The following LEPR variants were observed in gnomAD, a reference collection of about 807,000 sequenced individuals.
The protein encoded by LEPR is OB receptor.
A neutral mutation model predicts 114.7 loss-of-function variants in LEPR; 56 were observed. The observed-to-expected ratio is 0.49, with a 90% CI of 0.39 to 0.61. LEPR has a LOEUF of 0.61. Ranked by LOEUF, LEPR falls within the 20% of genes least tolerant of loss-of-function variation. The probability of loss-of-function intolerance (pLI) is 0.00; values close to 1 mark genes in which losing one functional copy is unlikely to be tolerated. For missense variants in LEPR, 1,202 were observed against 1,352.9 expected (o/e 0.89, Z 1.75); for synonymous variants, 443 against 461.4 (o/e 0.96, Z 0.51).
In LEPR at chr1:65,601,632, G is replaced by A; in HGVS notation, c.1235G>A (p.Cys412Tyr). ...RGKFTYDAVYCCNEHECHHRY... is the reference protein window; with the variant it reads ...RGKFTYDAVYYCNEHECHHRY... ...AAGTTTACCTATGATGCAGTGTACT[G>A]CTGCAATGAACATGAATGCCATCAT... Residue 412 changes from cysteine (C) to tyrosine (Y), a missense_variant, in exon 9 of 20, where the codon TGC (cysteine) becomes TAC (tyrosine). By Grantham distance (194) the Cys-to-Tyr change is radical (BLOSUM62 -2). Transcript: ENST00000349533. 6.2e-7 allele frequency: 1 copy of A among 1,613,632 alleles called. No homozygotes were observed. The highest frequency in any genetic ancestry group is 1.3e-5 in the African/African-American group (1 of 75,016).
intron 2 of LEPR, among the ~76,000 whole-genome samples, chr1:65,475,319 A>G (rs1557612966): frequency 6.6e-6 from 1 of 152,090 alleles, no homozygotes; most frequent in Non-Finnish European, 1.5e-5. Flanking sequence ...ACCCTTCCCA[A>G]TTTGTATTCT....
rs566215593 is a variant in LEPR at position 65,615,994 on chromosome 1, T to G, written c.1996-14T>G. 3.9e-5 allele frequency: 63 copies of G among 1,613,924 alleles called. No homozygotes were observed. Among genetic ancestry groups the G allele is most frequent in the Non-Finnish European group, 5.3e-5 (63 of 1,179,970 alleles). ...TGCAGCCCTTAAACTAATCAATTTC[T>G]ATATTTACTACAGCCCCTGATGAAA... On this transcript the variant is annotated splice_polypyrimidine_tract_variant and intron_variant, in intron 14 of 19. Transcript: ENST00000349533.
intron 2 of LEPR, among the ~76,000 whole-genome samples, chr1:65,464,199 A>G (rs2100386749): frequency 6.6e-6 from 1 of 152,324 alleles, no homozygotes; most frequent in East Asian, 1.9e-4. Context: ...GATACGTTCC[A>G]TCAATACCTA....
chr1:65,431,741 G>A, intron 2 of LEPR: 2 of 1,514,334 alleles, frequency 1.3e-6, no homozygotes, highest in South Asian at 1.2e-5. Context: ...AAAATAATAG[G>A]GATTGCAAAG....
At chr1:65,435,953 A>C in intron 2 of LEPR, 1 of 985,040 alleles carries the variant, frequency 1.0e-6, no homozygotes, top group African/African-American at 1.7e-5. Context: ...GTAACCCCAA[A>C]TGTGATGTGA....
intron 3 of LEPR, among the ~76,000 whole-genome samples, chr1:65,569,172 G>C (rs942539068): frequency 1.3e-5 from 2 of 151,908 alleles, no homozygotes; most frequent in African/African-American, 4.8e-5. Context: ...ATATTTAATT[G>C]TCTGGATGTA....
chr1:65,590,408 C>G (rs1310221442), intron 5 of LEPR, among the ~76,000 whole-genome samples: 1 of 150,780 alleles, frequency 6.6e-6, no homozygotes, highest in Non-Finnish European at 1.5e-5. Flanking sequence ...TTGTAGTTCC[C>G]ATAATCCCCA....
At chr1:65,588,071 T>C (rs1655434674) in intron 5 of LEPR, among the ~76,000 whole-genome samples, 1 of 152,016 alleles carries the variant, frequency 6.6e-6, no homozygotes, top group Non-Finnish European at 1.5e-5. Context: ...TATTAATGGA[T>C]AGAATGGGGC....
intron 10 of LEPR, among the ~76,000 whole-genome samples, chr1:65,602,785 C>A (rs1038992565): frequency 1.2e-4 from 19 of 152,024 alleles, no homozygotes; most frequent in Admixed American, 4.6e-4. Context: ...GAAGTCTATT[C>A]CTAATGCTGC....
Position 65,610,100 on chromosome 1 carries a change from AT to A in LEPR, c.1907del (p.Ile636LysfsTer5). On this transcript the variant is annotated frameshift_variant, in exon 13 of 20. Coordinates refer to ENST00000349533, the MANE Select transcript of LEPR (RefSeq NM_002303.6). LOFTEE classifies it high-confidence loss of function. ...TCCAGCCTACACAGTTGTCATGGATATAAAAGGTCTGCAGAGATTTTGTAAA... is the reference window on the plus strand; with the variant it reads ...TCCAGCCTACACAGTTGTCATGGATAAAAAGGTCTGCAGAGATTTTGTAAA... ...SNPAYTVVMD[I>X]KVPMRGPEFW... 6.2e-7 allele frequency: 1 copy of A among 1,614,212 alleles called. No individual in the cohort carries two copies. Among genetic ancestry groups the A allele is most frequent in the South Asian group, 1.1e-5 (1 of 91,086 alleles).
At chr1:65,451,607 T>A (rs1646786444) in intron 2 of LEPR, among the ~76,000 whole-genome samples, 1 of 152,240 alleles carries the variant, frequency 6.6e-6, no homozygotes, top group Non-Finnish European at 1.5e-5. Flanking sequence ...GCATTATTTC[T>A]GAGGGCTCTG....
intron 2 of LEPR, among the ~76,000 whole-genome samples, chr1:65,456,051 G>T (rs1305774041): frequency 6.6e-6 from 1 of 152,146 alleles, no homozygotes; most frequent in Non-Finnish European, 1.5e-5. Context: ...TTTTCCAGGT[G>T]CCATCTGTCA....
intron 2 of LEPR, chr1:65,431,942 A>G (rs1419922011): frequency 1.2e-6 from 2 of 1,607,150 alleles, no homozygotes; most frequent in East Asian, 2.2e-5. Flanking sequence ...ATTACAGTGC[A>G]TTGAATTTCT....
At chr1:65,430,074 C>T (rs768747471) in intron 2 of LEPR, 1 of 1,531,710 alleles carries the variant, frequency 6.5e-7, no homozygotes, top group South Asian at 1.2e-5. Context: ...TATTGTTTTG[C>T]CCAACCGTTG....
chr1:65,532,791 G>A (rs1650494648), intron 2 of LEPR, among the ~76,000 whole-genome samples: 1 of 152,158 alleles, frequency 6.6e-6, no homozygotes, highest in African/African-American at 2.4e-5. Context: ...CATAAACACA[G>A]AAAGCAGATC....
At chr1:65,444,178 A>AGAACAGACACAGAGGCT (rs1646684742) in intron 2 of LEPR, among the ~76,000 whole-genome samples, 1 of 28,556 alleles carries the variant, frequency 3.5e-5, no homozygotes, top group Non-Finnish European at 1.0e-4. Flanking sequence ...TCATTGTTCA[A>AGAACAGACACAGAGGCT]TTCCCACCTA....
chr1:65,441,365 C>T (rs1353161629), intron 2 of LEPR, among the ~76,000 whole-genome samples: 6 of 152,048 alleles, frequency 3.9e-5, no homozygotes, highest in Non-Finnish European at 8.8e-5. Flanking sequence ...ACCCTAGGAG[C>T]TGACTTTGGT....
intron 5 of LEPR, among the ~76,000 whole-genome samples, chr1:65,575,016 T>C (rs1300708543): frequency 1.3e-5 from 2 of 152,104 alleles, no homozygotes; most frequent in East Asian, 3.9e-4. Flanking sequence ...ACTGCAGAGC[T>C]GGAATTCATA....
intron 2 of LEPR, among the ~76,000 whole-genome samples, chr1:65,466,777 A>T: frequency 6.6e-6 from 1 of 152,056 alleles, no homozygotes; most frequent in East Asian, 1.9e-4. Flanking sequence ...CATTAATTTG[A>T]TCTTCAATCA....
Sources: gnomAD v4.1 joint callset for allele counts (sites outside exome capture counted in the v4.1 genomes callset) on GRCh38, gnomAD v4.1.1 for gene constraint, MANE v1.5 for transcripts, NCBI Gene and HGNC (gene_info 2026-07-23, HGNC 2026-07-21) for gene names.